TRPM3: variants seen among roughly 807,000 people sequenced by gnomAD.
TRPM3 encodes the protein long transient receptor potential channel 3.
Under a neutral mutation model 181.2 loss-of-function variants are expected in TRPM3, and 77 were observed. That is an observed-to-expected ratio of 0.42 (90% CI 0.35 to 0.51). The LOEUF (loss-of-function observed/expected upper bound fraction) is 0.51, where lower values mean the gene tolerates loss of function less well. Ranked by LOEUF, TRPM3 falls within the 20% of genes least tolerant of loss-of-function variation. The pLI, the probability that TRPM3 is intolerant of heterozygous loss-of-function variation, is 0.01. For synonymous variants in TRPM3, 745 were observed against 796.4 expected (o/e 0.94, Z 1.09); for missense variants, 1,759 against 2,196.7 (o/e 0.80, Z 3.98).
chr9:70,771,070 C>T (rs1324238077), intron 7 of TRPM3, among the ~76,000 whole-genome samples: 1 of 152,168 alleles, frequency 6.6e-6, no homozygotes, highest in African/African-American at 2.4e-5. Context: ...GTCATGCAAA[C>T]TAGGGTTGCT....
At chr9:70,565,451 G>A (rs916249678) in intron 22 of TRPM3, among the ~76,000 whole-genome samples, 1 of 152,058 alleles carries the variant, frequency 6.6e-6, no homozygotes, top group Non-Finnish European at 1.5e-5. Flanking sequence ...AAGCTACCAT[G>A]CCCAACTGAT....
intron 1 of TRPM3, among the ~76,000 whole-genome samples, chr9:70,961,294 A>C (rs2097134278): frequency 1.8e-5 from 1 of 55,276 alleles, no homozygotes; most frequent in African/African-American, 9.7e-5. Context: ...GAAGACATAC[A>C]GCTCTGCAAC....
In TRPM3 at chr9:71,025,038, A is replaced by G. The variant is rs948726654; in HGVS notation, c.177+96140T>C. Among the ~76,000 whole-genome samples the G allele has an allele frequency of 7.9e-5, 12 of 152,224 alleles. 1 individual carries two copies. The highest frequency in any genetic ancestry group is 2.9e-4 in the African/African-American group (12 of 41,466). On this transcript the variant is annotated intron_variant, in intron 1 of 25. Coordinates refer to ENST00000677713, the MANE Select transcript of TRPM3 (RefSeq NM_001366145.2). Reference sequence around the variant, plus strand: ...CCCTGTCTCTTTGTAGCCTTGATTTACAACATACCATTGTAATGTGAATCT... The same window carrying G: ...CCCTGTCTCTTTGTAGCCTTGATTTGCAACATACCATTGTAATGTGAATCT...
intron 1 of TRPM3, among the ~76,000 whole-genome samples, chr9:71,310,510 A>G (rs1179976507): frequency 6.6e-6 from 1 of 152,052 alleles, no homozygotes; most frequent in Non-Finnish European, 1.5e-5. Context: ...TTTTGGCTGG[A>G]AAGTAGTATC....
intron 25 of TRPM3, among the ~76,000 whole-genome samples, chr9:70,543,689 T>G (rs2044108477): frequency 1.3e-5 from 2 of 152,160 alleles, no homozygotes; most frequent in African/African-American, 4.8e-5. Context: ...GGCAAAAAAC[T>G]TACTGCCTTG....
intron 1 of TRPM3, among the ~76,000 whole-genome samples, chr9:70,974,643 C>T (rs1192758621): frequency 1.3e-5 from 2 of 151,560 alleles, no homozygotes; most frequent in Non-Finnish European, 2.9e-5. Flanking sequence ...GCGGGAGAAT[C>T]GCTAGAACCC....
chr9:71,241,240 T>C (rs1352225687), intron 1 of TRPM3, among the ~76,000 whole-genome samples: 2 of 152,132 alleles, frequency 1.3e-5, no homozygotes, highest in African/African-American at 4.8e-5. Context: ...GAATTTAAAA[T>C]CTTCTCTGGT....
At chr9:71,152,277 A>T (rs1361578341) in intron 1 of TRPM3, among the ~76,000 whole-genome samples, 1 of 152,132 alleles carries the variant, frequency 6.6e-6, no homozygotes, top group Non-Finnish European at 1.5e-5. Flanking sequence ...GTCACTTGAG[A>T]GGGTGTATGT....
chr9:71,034,239 A>T (rs2057901213), intron 1 of TRPM3, among the ~76,000 whole-genome samples: 1 of 152,192 alleles, frequency 6.6e-6, no homozygotes, highest in African/African-American at 2.4e-5. Context: ...TCCAGGCAGT[A>T]CTGAACTTGG....
chr9:71,035,345 A>C (rs1241795850), intron 1 of TRPM3, among the ~76,000 whole-genome samples: 2 of 152,244 alleles, frequency 1.3e-5, no homozygotes, highest in Non-Finnish European at 2.9e-5. Context: ...AGCTACTTTT[A>C]GAGACTTAAC....
intron 1 of TRPM3, among the ~76,000 whole-genome samples, chr9:71,174,484 T>C (rs567460330): frequency 6.6e-6 from 1 of 152,036 alleles, no homozygotes; most frequent in South Asian, 2.1e-4. Flanking sequence ...GAGGTTGCAG[T>C]GAGCTAAGAT....
Position 70,776,310 on chromosome 9 carries a change from C to T in TRPM3, c.1148+7795G>A, listed in dbSNP as rs139059161. On this transcript the variant is annotated intron_variant, in intron 7 of 25. Coordinates refer to ENST00000677713, the MANE Select transcript of TRPM3 (RefSeq NM_001366145.2). ...AGGCTGTTCATTCCAACTGTAAAGTCGAAGGAAGCTGGGGTAGGACACTGC... is the reference window on the plus strand; with the variant it reads ...AGGCTGTTCATTCCAACTGTAAAGTTGAAGGAAGCTGGGGTAGGACACTGC... The T allele has an allele frequency of 1.5e-3, 902 of 582,702 alleles. 4 individuals are homozygous for T. In the African/African-American group the frequency reaches 0.016, roughly 10 times the overall value. The allele number at this position is 582,702 out of a possible 1,614,324, so 36.1% of individuals were successfully genotyped here. A position where few individuals can be genotyped will look rare whatever the true frequency, so the allele number is the denominator to read the frequency against.
intron 1 of TRPM3, among the ~76,000 whole-genome samples, chr9:71,043,782 T>G (rs532263755): frequency 6.6e-6 from 1 of 152,224 alleles, no homozygotes; most frequent in Non-Finnish European, 1.5e-5. Flanking sequence ...AGCGAATCTA[T>G]GTTTAACAAG....
chr9:71,055,912 C>T (rs935970705), intron 1 of TRPM3, among the ~76,000 whole-genome samples: 1 of 151,966 alleles, frequency 6.6e-6, no homozygotes, highest in African/African-American at 2.4e-5. Context: ...AGCCTCTTTC[C>T]CATATAGTCT....
intron 1 of TRPM3, among the ~76,000 whole-genome samples, chr9:70,883,669 G>T (rs1451356568): frequency 6.6e-6 from 1 of 152,166 alleles, no homozygotes; most frequent in Non-Finnish European, 1.5e-5. Context: ...ACTTATATGA[G>T]CCAAAGGTAC....
intron 25 of TRPM3, among the ~76,000 whole-genome samples, chr9:70,543,448 T>A (rs903828265): frequency 6.7e-6 from 1 of 149,860 alleles, no homozygotes; most frequent in Non-Finnish European, 1.5e-5. Context: ...ATTCTTTCTA[T>A]TTTTTTTTGT....
At chr9:71,053,000 A>G (rs1223130510) in intron 1 of TRPM3, among the ~76,000 whole-genome samples, 1 of 149,434 alleles carries the variant, frequency 6.7e-6, no homozygotes, top group Non-Finnish European at 1.5e-5. Flanking sequence ...AACCACCGAA[A>G]GTGGATCTCA....
intron 9 of TRPM3, among the ~76,000 whole-genome samples, chr9:70,671,847 C>T (rs2062996593): frequency 6.6e-6 from 1 of 152,086 alleles, no homozygotes; most frequent in Admixed American, 6.6e-5. Context: ...TCATTGCATC[C>T]TCCGTTACCC....
intron 1 of TRPM3, among the ~76,000 whole-genome samples, chr9:71,444,900 C>G (rs2094183371): frequency 6.6e-6 from 1 of 152,206 alleles, no homozygotes; most frequent in African/African-American, 2.4e-5. Context: ...AAATCAATAT[C>G]AAACTTGCCA....
Sources: allele counts gnomAD v4.1 joint callset (sites outside exome capture counted in the v4.1 genomes callset), GRCh38; gene constraint gnomAD v4.1.1; transcripts MANE v1.5; gene names NCBI Gene and HGNC (gene_info 2026-07-23, HGNC 2026-07-21).